The following PLPP1 variants were observed in gnomAD, a reference collection of about 807,000 sequenced individuals.
PLPP1 encodes the protein phospholipid phosphatase 1.
In PLPP1, 24 loss-of-function variants were observed where a neutral mutation model predicts 31.2. The observed-to-expected ratio is 0.77, with a 90% CI of 0.56 to 1.08. The LOEUF (loss-of-function observed/expected upper bound fraction) is 1.08. PLPP1 is among the 50% of genes least tolerant of loss of function. The pLI, the probability that PLPP1 is intolerant of heterozygous loss-of-function variation, is 0.00. For synonymous variants in PLPP1, 146 were observed against 126.3 expected, an observed-to-expected ratio of 1.16 and a Z score of -1.05; for missense variants, 319 against 342.7, an observed-to-expected ratio of 0.93 and a Z score of 0.55.
intron 1 of PLPP1, among the ~76,000 whole-genome samples, chr5:55,519,361 A>G (rs1361500467): frequency 6.6e-6 from 1 of 152,236 alleles, no homozygotes; most frequent in Non-Finnish European, 1.5e-5. Flanking sequence ...AGTAAAATAC[A>G]AAAAATGTCA....
intron 3 of PLPP1, among the ~76,000 whole-genome samples, chr5:55,442,444 G>T (rs1381283661): frequency 6.6e-6 from 1 of 152,100 alleles, no homozygotes; most frequent in Non-Finnish European, 1.5e-5. Context: ...ACGAGGTCAG[G>T]AGATCGAGAC....
At chr5:55,444,741 T>TGTGTGTGTGTGTG (rs1554037408) in intron 3 of PLPP1, among the ~76,000 whole-genome samples, 119 of 6,956 alleles carry the variant, frequency 0.017, 1 homozygote, top group Non-Finnish European at 0.048. Context: ...TGGGATTCTA[T>TGTGTGTGTGTGTG]TTTGTGTGTG....
chr5:55,488,806 A>G (rs1318262502), intron 1 of PLPP1, among the ~76,000 whole-genome samples: 2 of 152,158 alleles, frequency 1.3e-5, no homozygotes, highest in African/African-American at 4.8e-5. Context: ...TAATTAATAA[A>G]AGATCATGGG....
At chr5:55,481,348 A>G (rs879151088) in intron 1 of PLPP1, among the ~76,000 whole-genome samples, 2 of 152,232 alleles carry the variant, frequency 1.3e-5, no homozygotes, top group Admixed American at 1.3e-4. Context: ...AGGATCACCT[A>G]TATAGCACCA....
rs1444334919 is a variant in PLPP1, at chr5:55,475,367, G to C, written c.142C>G (p.Pro48Ala). The change falls in exon 2 of 6, where the codon CCT (proline) becomes GCT (alanine). Residue 48 changes from proline (P) to alanine (A), a missense_variant. Transcript: ENST00000307259. ...VFCNDESIKY[P>A]YKEDTIPYAL... Reference sequence around the variant, plus strand: ...TAAGGTATGGTGTCTTCTTTGTAAGGGTACTTGATGGACTCATCATTACAG... The same window carrying C: ...TAAGGTATGGTGTCTTCTTTGTAAGCGTACTTGATGGACTCATCATTACAG... 3.1e-6 allele frequency: 5 copies of C among 1,611,914 alleles called. No homozygotes were observed. Among genetic ancestry groups the C allele is most frequent in the Admixed American group, 1.7e-5 (1 of 59,950 alleles).
At chr5:55,482,348 G>A (rs185933479) in intron 1 of PLPP1, among the ~76,000 whole-genome samples, 28 of 151,886 alleles carry the variant, frequency 1.8e-4, no homozygotes, top group African/African-American at 6.8e-4. Flanking sequence ...TTTCCACAGA[G>A]TTAAGCTGAA....
intron 1 of PLPP1, among the ~76,000 whole-genome samples, chr5:55,507,441 C>T (rs1753303845): frequency 6.6e-6 from 1 of 152,096 alleles, no homozygotes; most frequent in South Asian, 2.1e-4. Flanking sequence ...AGAAAGTCAA[C>T]AGCCAACTAA....
intron 1 of PLPP1, among the ~76,000 whole-genome samples, chr5:55,485,785 ATCTT>A (rs891880695): frequency 5.3e-5 from 8 of 152,276 alleles, no homozygotes; most frequent in South Asian, 4.2e-4. Flanking sequence ...TATTACAAAA[ATCTT>A]TCTATGTCAA....
At position 55,441,881 on chromosome 5, in the gene PLPP1, CGAAGAGTGGCCTGAATA is replaced by C. The variant is rs2111707999; in HGVS notation, c.502_518del (p.Tyr168ValfsTer47). 6.2e-7 allele frequency: 1 copy of C among 1,613,940 alleles called. No homozygotes were observed. The highest frequency in any genetic ancestry group is 2.2e-5 in the East Asian group (1 of 44,876). On this transcript the variant is annotated frameshift_variant, in exon 4 of 6. Transcript: ENST00000307259. LOFTEE classifies it high-confidence loss of function. ...CAAACAGCATGCAGTACATGGAAAACGAAGAGTGGCCTGAATAGAAGGACAACCTGGAAGAAAAAGAA... is the reference window on the plus strand; with the variant it reads ...CAAACAGCATGCAGTACATGGAAAACGAAGGACAACCTGGAAGAAAAAGAA...
chr5:55,490,122 A>G (rs1752855554), intron 1 of PLPP1, among the ~76,000 whole-genome samples: 1 of 151,856 alleles, frequency 6.6e-6, no homozygotes, highest in Admixed American at 6.6e-5. Flanking sequence ...AGTACAAAGT[A>G]AGAAATAGTG....
chr5:55,491,817 C>CACACT (rs1443554353), intron 1 of PLPP1, among the ~76,000 whole-genome samples: 1 of 142,990 alleles, frequency 7.0e-6, no homozygotes. Context: ...AAGATTGTGC[C>CACACT]ACTGCACTCC....
At chr5:55,501,607 C>T (rs1055284836) in intron 1 of PLPP1, among the ~76,000 whole-genome samples, 1 of 152,146 alleles carries the variant, frequency 6.6e-6, no homozygotes, top group East Asian at 1.9e-4. Context: ...TGGGTTCAAG[C>T]AATTCTCCTG....
At chr5:55,489,806 A>C (rs972415513) in intron 1 of PLPP1, among the ~76,000 whole-genome samples, 7 of 152,332 alleles carry the variant, frequency 4.6e-5, no homozygotes, top group Non-Finnish European at 8.8e-5. Flanking sequence ...AAGTTTTGTA[A>C]GTCATATATC....
chr5:55,530,945 G>A (rs1579991013), intron 1 of PLPP1, among the ~76,000 whole-genome samples: 1 of 151,518 alleles, frequency 6.6e-6, no homozygotes, highest in Admixed American at 6.5e-5. Context: ...GACAGCGGCA[G>A]CGGCCGAGGT....
intron 2 of PLPP1, among the ~76,000 whole-genome samples, chr5:55,472,978 T>C (rs1364015912): frequency 6.6e-6 from 1 of 152,184 alleles, no homozygotes; most frequent in African/African-American, 2.4e-5. Flanking sequence ...GCATCCTTTT[T>C]ACTGACACCA....
chr5:55,517,929 C>A (rs548586857), intron 1 of PLPP1, among the ~76,000 whole-genome samples: 1 of 152,356 alleles, frequency 6.6e-6, no homozygotes, highest in Non-Finnish European at 1.5e-5. Flanking sequence ...CTCACCGCAA[C>A]CTCTGCCTCC....
chr5:55,526,863 C>T (rs1428700194), intron 1 of PLPP1, among the ~76,000 whole-genome samples: 1 of 129,324 alleles, frequency 7.7e-6, no homozygotes, highest in Non-Finnish European at 1.6e-5. Flanking sequence ...ACCTGGGAGG[C>T]GGAGCTTGCA....
rs1346294973 is a variant in PLPP1, at chr5:55,527,591, G to A, written c.58+6981C>T. Among the ~76,000 whole-genome samples the A allele has an allele frequency of 2.0e-5, 3 of 152,140 alleles. No individual in the cohort carries two copies. In the South Asian group the frequency reaches 6.2e-4, roughly 32 times the overall value. On this transcript the variant is annotated intron_variant, in intron 1 of 5. Coordinates refer to ENST00000307259, the MANE Select transcript of PLPP1 (RefSeq NM_003711.4). ...GACATAGATGGGTATTATCAGTAGG[G>A]TCCTGCCAAGAAAAGCAGCATACTC...
chr5:55,502,064 GT>G (rs1333573445), intron 1 of PLPP1, among the ~76,000 whole-genome samples: 12 of 152,248 alleles, frequency 7.9e-5, no homozygotes, highest in Admixed American at 6.5e-4. Context: ...AGCCTTTCAA[GT>G]TTTTTACTTT....
Sources: gnomAD v4.1 joint callset for allele counts (sites outside exome capture counted in the v4.1 genomes callset) on GRCh38, gnomAD v4.1.1 for gene constraint, MANE v1.5 for transcripts, NCBI Gene and HGNC (gene_info 2026-07-23, HGNC 2026-07-21) for gene names.